NUB1: variants seen among roughly 807,000 people sequenced by gnomAD.
NUB1 encodes the protein negative regulator of ubiquitin like proteins 1.
Under a neutral mutation model 77.1 loss-of-function variants are expected in NUB1, and 41 were observed. The observed-to-expected ratio is 0.53, with a 90% confidence interval of 0.41 to 0.69. The LOEUF is 0.69. NUB1 is among the 30% of genes least tolerant of loss of function. The pLI, the probability that NUB1 is intolerant of heterozygous loss-of-function variation, is 0.00. For synonymous variants in NUB1, 257 were observed against 281.0 expected, an observed-to-expected ratio of 0.91 and a Z score of 0.85; for missense variants, 643 against 743.8, an observed-to-expected ratio of 0.86 and a Z score of 1.58.
intron 8 of NUB1, among the ~76,000 whole-genome samples, chr7:151,362,620 C>T (rs375136794): frequency 3.9e-5 from 6 of 152,244 alleles, no homozygotes; most frequent in African/African-American, 1.2e-4. Flanking sequence ...TTTCAGGTTA[C>T]GGGGCAGGGA....
intron 3 of NUB1, chr7:151,351,143 G>A (rs1584940542): frequency 2.5e-6 from 1 of 394,062 alleles, no homozygotes; most frequent in Non-Finnish European, 4.6e-6. Context: ...TTGAGGGATG[G>A]TGGAAATGTT....
At chr7:151,376,596 C>T in intron 13 of NUB1, 38 bp from the exon 14 acceptor site, 1 of 1,553,216 alleles carries the variant, frequency 6.4e-7, no homozygotes, top group Non-Finnish European at 8.7e-7. Flanking sequence ...AGAAGAGGCG[C>T]CAGGGGCTGA....
At chr7:151,344,105 C>T (rs1207786601) in intron 1 of NUB1, among the ~76,000 whole-genome samples, 4 of 130,316 alleles carry the variant, frequency 3.1e-5, no homozygotes, top group South Asian at 2.7e-4. Flanking sequence ...GGCGTGAACC[C>T]GGGAGGCGGA....
chr7:151,368,472 A>G (rs927623030), intron 10 of NUB1, among the ~76,000 whole-genome samples: 1 of 152,218 alleles, frequency 6.6e-6, no homozygotes, highest in Non-Finnish European at 1.5e-5. Context: ...CTTTTGTTGC[A>G]AAAACAAAGT....
chr7:151,348,838 G>GGCC (rs1402182793), intron 2 of NUB1, among the ~76,000 whole-genome samples: 1 of 151,940 alleles, frequency 6.6e-6, no homozygotes. Flanking sequence ...GCCTCCCAAA[G>GGCC]TGCTGGGATT....
intron 8 of NUB1, among the ~76,000 whole-genome samples, chr7:151,363,751 GAA>G (rs568187789): frequency 0.016 from 2,313 of 146,558 alleles, 59 homozygotes; most frequent in African/African-American, 0.059. Flanking sequence ...AACCTTTCTT[GAA>G]AAAAGTTAGG....
In NUB1 at chr7:151,366,922, T is replaced by C. The variant is rs762087814; in HGVS notation, c.801-17T>C. On this transcript the variant is annotated splice_polypyrimidine_tract_variant and intron_variant, in intron 8 of 14. Transcript: ENST00000568733. ...AAATGCTGCTTGGCAGTGATGTCAC[T>C]GTCCTTCTCTTTCCAGTGAGTGTTG... The C allele has an allele frequency of 1.3e-6, 2 of 1,563,494 alleles. No individual in the cohort carries two copies. Among genetic ancestry groups the C allele is most frequent in the Non-Finnish European group, 1.7e-6 (2 of 1,153,958 alleles).
chr7:151,367,027 C>T lies in NUB1; in HGVS notation c.889C>T (p.Leu297=). The T allele has an allele frequency of 6.2e-7, 1 of 1,613,824 alleles. No homozygotes were observed. Among genetic ancestry groups the T allele is most frequent in the Non-Finnish European group, 8.5e-7 (1 of 1,179,748 alleles). ...IVWCYFRLEQ[L]ECLDDAEKKL... ...GTGGTGTTACTTCCGCCTGGAACAG[C>T]TGGAATGCCTTGATGATGCAGAAAA... is the stretch of plus-strand genomic sequence containing the variant. Residue 297 remains leucine, a synonymous_variant, in exon 9 of 15, where the codon CTG becomes TTG. Coordinates refer to ENST00000568733, the MANE Select transcript of NUB1 (RefSeq NM_001243351.2).
chr7:151,378,326 G>A lies in NUB1; in HGVS notation c.*1101G>A, dbSNP rs1021094732. On this transcript the variant is annotated 3_prime_UTR_variant, in exon 15 of 15. Transcript: ENST00000568733. ...AAGACAGGATGGATCATGCGGAGCC[G>A]GCTGAAATGCTCCAACTTTTTCAAA... The A allele has an allele frequency of 5.3e-5, 8 of 152,204 alleles. No homozygotes were observed. Among genetic ancestry groups the A allele is most frequent in the African/African-American group, 1.7e-4 (7 of 41,438 alleles). 9.4% of individuals were successfully genotyped at this position (152,204 alleles called of 1,614,324 possible).
At chr7:151,346,217 T>G (rs569715126) in intron 2 of NUB1, among the ~76,000 whole-genome samples, 35 of 152,376 alleles carry the variant, frequency 2.3e-4, no homozygotes, top group Non-Finnish European at 4.9e-4. Flanking sequence ...CTAGTTCTTC[T>G]GTTTCTTCTG....
intron 1 of NUB1, among the ~76,000 whole-genome samples, chr7:151,344,209 A>T (rs1293459705): frequency 4.9e-5 from 7 of 142,806 alleles, no homozygotes; most frequent in African/African-American, 1.8e-4. Flanking sequence ...AAAAAAAAAA[A>T]AAAAGTAGAT....
At chr7:151,376,124 C>T in intron 13 of NUB1, 181 bp downstream of exon 13, 1 of 569,046 alleles carries the variant, frequency 1.8e-6, no homozygotes, top group East Asian at 3.0e-5. Context: ...CAGGGGAGGC[C>T]TCCTTGGAAA....
chr7:151,366,753 A>G (rs192998717), intron 8 of NUB1, among the ~76,000 whole-genome samples, 186 bp from the exon 9 acceptor site: 1 of 152,268 alleles, frequency 6.6e-6, no homozygotes, highest in Admixed American at 6.5e-5. Context: ...TCTTTCCCCC[A>G]TTAGAAGGAT....
chr7:151,351,021 T>C (rs1397875015), intron 3 of NUB1: 2 of 237,156 alleles, frequency 8.4e-6, no homozygotes, highest in Non-Finnish European at 1.7e-5. Flanking sequence ...CACTATCCCA[T>C]TTATATGAAA....
At chr7:151,376,555 G>T (rs576636705) in intron 13 of NUB1, 79 bp from the exon 14 acceptor site, 9 of 1,350,370 alleles carry the variant, frequency 6.7e-6, no homozygotes, top group Non-Finnish European at 8.0e-6. Context: ...ATGAGAGTCG[G>T]CTGTCCACTC....
At chr7:151,369,015 T>C in intron 11 of NUB1, 128 bp downstream of exon 11, 1 of 1,104,342 alleles carries the variant, frequency 9.1e-7, no homozygotes, top group Non-Finnish European at 1.2e-6. Context: ...ACTTGTCCTT[T>C]TTTTTTTCTT....
intron 5 of NUB1, among the ~76,000 whole-genome samples, chr7:151,355,151 T>C (rs1435605554): frequency 6.6e-6 from 1 of 152,240 alleles, no homozygotes; most frequent in African/African-American, 2.4e-5. Context: ...TGTTATACTT[T>C]CTCATTTTCC....
At chr7:151,358,264 G>A (rs1175439947) in intron 7 of NUB1, among the ~76,000 whole-genome samples, 2 of 152,192 alleles carry the variant, frequency 1.3e-5, no homozygotes, top group Non-Finnish European at 2.9e-5. Flanking sequence ...GAGCCACTGT[G>A]CCCGGCCAAT....
chr7:151,371,052 C>T (rs934567621), intron 11 of NUB1, among the ~76,000 whole-genome samples: 2 of 152,046 alleles, frequency 1.3e-5, no homozygotes, highest in African/African-American at 4.8e-5. Context: ...ATAGTGGAGT[C>T]ATATCACTTG....
Sources: gnomAD v4.1 joint callset for allele counts (sites outside exome capture counted in the v4.1 genomes callset) on GRCh38, gnomAD v4.1.1 for gene constraint, MANE v1.5 for transcripts, NCBI Gene and HGNC (gene_info 2026-07-23, HGNC 2026-07-21) for gene names.